The following ELF2 variants were observed in gnomAD, a reference collection of about 807,000 sequenced individuals.
The protein encoded by ELF2 is ETS-related transcription factor Elf-2.
Under a neutral mutation model 54.8 loss-of-function variants are expected in ELF2, and 11 were observed. The ratio of observed to expected loss-of-function variants is 0.20; its 90% CI spans 0.13 to 0.33. The LOEUF (loss-of-function observed/expected upper bound fraction) is 0.33. Among genes scored for constraint, ELF2 ranks in the 10% least tolerant of loss-of-function variants. The probability of loss-of-function intolerance (pLI) is 1.00; values close to 1 mark genes in which losing one functional copy is unlikely to be tolerated. For missense variants in ELF2, 513 were observed against 703.0 expected (o/e 0.73, Z 3.06); for synonymous variants, 203 against 245.1 (o/e 0.83, Z 1.61).
rs151042538 is a variant in ELF2 at position 139,144,384 on chromosome 4, G to A, written c.-251-4887C>T. On this transcript the variant is annotated intron_variant, in intron 1 of 9. Coordinates refer to ENST00000686138, the MANE Select transcript of ELF2 (RefSeq NM_001331036.3). ...ACCAAGGGAAGCTATTCCTGATTCT[G>A]TGTCACAGGAGAGTTCACAAAGTTC... Among the ~76,000 whole-genome samples the A allele has an allele frequency of 2.6e-5, 4 of 152,312 alleles. No homozygotes were observed. In the East Asian group the frequency reaches 7.7e-4, roughly 29 times the overall value.
chr4:139,153,547 C>G (rs994461455), intron 1 of ELF2, among the ~76,000 whole-genome samples: 1 of 152,182 alleles, frequency 6.6e-6, no homozygotes, highest in African/African-American at 2.4e-5. Context: ...TCACGCAAAA[C>G]TGCCTCCCAC....
chr4:139,086,774 A>T lies in ELF2; in HGVS notation c.239-13207T>A, dbSNP rs1025877030. 3.9e-5 allele frequency among the ~76,000 whole-genome samples: 6 copies of T among 152,370 alleles called. No individual in the cohort carries two copies. The East Asian group carries it at 9.6e-4, about 24-fold the overall frequency. On this transcript the variant is annotated intron_variant, in intron 4 of 9. Coordinates refer to ENST00000686138, the MANE Select transcript of ELF2 (RefSeq NM_001331036.3). ...CAAGACTGCTTATATATGAAATTAA[A>T]TAATAGGGTGTATATACAGTGGGTA...
intron 3 of ELF2, among the ~76,000 whole-genome samples, chr4:139,135,739 T>G (rs1049731969): frequency 1.3e-5 from 2 of 152,216 alleles, no homozygotes; most frequent in Admixed American, 6.5e-5. Flanking sequence ...CCACACTACC[T>G]GACATGCTCA....
chr4:139,083,994 C>G (rs921617663), intron 4 of ELF2: 2 of 1,437,344 alleles, frequency 1.4e-6, no homozygotes, highest in Non-Finnish European at 1.9e-6. Flanking sequence ...TCACTCCCCC[C>G]TTTCCCCCAG....
chr4:139,164,556 G>A (rs1464984519), intron 1 of ELF2, among the ~76,000 whole-genome samples: 1 of 152,178 alleles, frequency 6.6e-6, no homozygotes, highest in Non-Finnish European at 1.5e-5. Context: ...AGAATCACTT[G>A]AACCTGGGAA....
chr4:139,082,564 T>C (rs1731265379), intron 4 of ELF2, among the ~76,000 whole-genome samples: 1 of 152,230 alleles, frequency 6.6e-6, no homozygotes, highest in African/African-American at 2.4e-5. Context: ...ATACATATTA[T>C]TTCAGACTTT....
intron 4 of ELF2, chr4:139,115,156 T>C (rs1408269833): frequency 6.2e-7 from 1 of 1,612,920 alleles, no homozygotes; most frequent in Non-Finnish European, 8.5e-7. Context: ...CAGGATCCAC[T>C]CCTCTAGGTT....
intron 4 of ELF2, among the ~76,000 whole-genome samples, chr4:139,124,655 A>T (rs1736723457): frequency 6.6e-6 from 1 of 152,208 alleles, no homozygotes; most frequent in Admixed American, 6.5e-5. Context: ...CTCACCAGAA[A>T]TAGACTGAAA....
intron 3 of ELF2, among the ~76,000 whole-genome samples, chr4:139,129,468 A>C (rs545871091): frequency 2.6e-4 from 40 of 152,360 alleles, no homozygotes; most frequent in Non-Finnish European, 5.0e-4. Context: ...ACCAAATTTT[A>C]AACTACCAAC....
In ELF2 at chr4:139,064,630, A is replaced by G. The variant is rs977121116; in HGVS notation, c.614-2573T>C. Among the ~76,000 whole-genome samples the G allele has an allele frequency of 2.0e-5, 3 of 152,198 alleles. No homozygotes were observed. In the South Asian group the frequency reaches 6.2e-4, roughly 31 times the overall value. On this transcript the variant is annotated intron_variant, in intron 7 of 9. Transcript: ENST00000686138. ...CGTGTTGGCTCATGTGTGTAATCCCAGCACTTTGGGAGGCCGTGGCGGGCG... is the reference window on the plus strand; with the variant it reads ...CGTGTTGGCTCATGTGTGTAATCCCGGCACTTTGGGAGGCCGTGGCGGGCG...
At chr4:139,164,574 T>C (rs776865096) in intron 1 of ELF2, among the ~76,000 whole-genome samples, 4 of 152,138 alleles carry the variant, frequency 2.6e-5, no homozygotes, top group Admixed American at 6.6e-5. Context: ...GAAGTAGAGA[T>C]TGCCGTGAGC....
At chr4:139,130,948 A>G (rs1737429809) in intron 3 of ELF2, among the ~76,000 whole-genome samples, 1 of 152,200 alleles carries the variant, frequency 6.6e-6, no homozygotes, top group African/African-American at 2.4e-5. Context: ...ATTGCCTTGT[A>G]CTGTGTAGAA....
At chr4:139,091,831 C>T (rs1732605856) in intron 4 of ELF2, among the ~76,000 whole-genome samples, 1 of 151,596 alleles carries the variant, frequency 6.6e-6, no homozygotes, top group South Asian at 2.1e-4. Flanking sequence ...CAGAAGATGA[C>T]ATTGAAAAGA....
chr4:139,127,985 T>TCAGACCAG (rs1737100165), intron 3 of ELF2, among the ~76,000 whole-genome samples: 1 of 148,214 alleles, frequency 6.7e-6, no homozygotes, highest in South Asian at 2.1e-4. Flanking sequence ...AAAAAAAAAT[T>TCAGACCAG]CAGACCAGGT....
At chr4:139,172,882 C>CGGGGGGGGGGGG (rs59019279) in intron 1 of ELF2, among the ~76,000 whole-genome samples, 1 of 51,162 alleles carries the variant, frequency 2.0e-5, no homozygotes, top group Non-Finnish European at 4.1e-5. Context: ...ACACAGATAA[C>CGGGGGGGGGGGG]GGGGGGGGGG....
chr4:139,119,560 C>G (rs1486855954), intron 4 of ELF2, among the ~76,000 whole-genome samples: 1 of 152,180 alleles, frequency 6.6e-6, no homozygotes, highest in Non-Finnish European at 1.5e-5. Context: ...CTTCAGGATT[C>G]TGGTCACCCT....
chr4:139,082,332 CT>C (rs1227924262), intron 4 of ELF2, among the ~76,000 whole-genome samples: 1 of 152,208 alleles, frequency 6.6e-6, no homozygotes, highest in South Asian at 2.1e-4. Flanking sequence ...AATTCCATCC[CT>C]TAATTCATAT....
At chr4:139,121,095 ATTTTTTTTTTT>A (rs10711256) in intron 4 of ELF2, among the ~76,000 whole-genome samples, 1,505 of 65,152 alleles carry the variant, frequency 0.023, 32 homozygotes, top group East Asian at 0.14. Flanking sequence ...TATAACACAG[ATTTTTTTTTTT>A]TTTTTTTTTT....
chr4:139,096,429 TTGTC>T (rs1160388192), intron 4 of ELF2, among the ~76,000 whole-genome samples: 1 of 152,078 alleles, frequency 6.6e-6, no homozygotes, highest in Non-Finnish European at 1.5e-5. Flanking sequence ...GGTTATTAAT[TTGTC>T]TGGGCTTTCT....
Sources: gnomAD v4.1 joint callset for allele counts (sites outside exome capture counted in the v4.1 genomes callset) on GRCh38, gnomAD v4.1.1 for gene constraint, MANE v1.5 for transcripts, NCBI Gene and HGNC (gene_info 2026-07-23, HGNC 2026-07-21) for gene names.